CHD3: variants seen among roughly 807,000 people sequenced by gnomAD.
CHD3 encodes ATP-dependent chromatin remodeler CHD3.
In CHD3, 52 loss-of-function variants were observed where a neutral mutation model predicts 248.9. That is an observed-to-expected ratio of 0.21 (90% CI 0.17 to 0.26). CHD3 has a LOEUF of 0.26. Ranked by LOEUF, CHD3 falls within the 10% of genes least tolerant of loss-of-function variation. CHD3 has a pLI of 1.00. For synonymous variants in CHD3, 985 were observed against 985.2 expected (o/e 1.00, Z 0.00); for missense variants, 1,482 against 2,605.8 (o/e 0.57, Z 9.39).
rs138976937 is a variant in CHD3 at position 7,897,170 on chromosome 17, G to A, written c.1795G>A (p.Glu599Lys). 1.2e-6 allele frequency: 2 copies of A among 1,614,162 alleles called. No homozygotes were observed. Among genetic ancestry groups the A allele is most frequent in the Non-Finnish European group, 1.7e-6 (2 of 1,180,024 alleles). ...CCCACCCCTGGACTATGGCTCCGGC[G>A]AGGATGATGGGAAGAGCGACAAGCG... is the stretch of plus-strand genomic sequence containing the variant. The part of the protein sequence containing the change: ...EPPPLDYGSG[E>K]DDGKSDKRKV... Residue 599 changes from glutamate (E) to lysine (K), a missense_variant, in exon 11 of 40, where the codon GAG becomes AAG. Physicochemically the swap from Glu to Lys is moderately conservative, Grantham distance 56. Coordinates refer to ENST00000330494, the MANE Select transcript of CHD3 (RefSeq NM_001005273.3). The surrounding 1 kb of genome is among the most constrained non-coding windows in gnomAD (Gnocchi z 4.8).
rs202009423 is a variant in CHD3 at position 7,894,097 on chromosome 17, C to T, written c.925-18C>T. On this transcript the variant is annotated intron_variant, in intron 6 of 39. Transcript: ENST00000330494. ...AGAATGAAGTCTGCCTCACTGACGG[C>T]CACGGGGCTATGGGCAGTATGTTTT... 208 of 1,588,574 alleles carry T rather than the reference C, an allele frequency of 1.3e-4. 2 individuals carry two copies. The highest frequency in any genetic ancestry group is 1.3e-3 in the South Asian group (117 of 89,568).
Position 7,903,798 on chromosome 17 carries a change from G to A in CHD3, c.3728-27G>A. The A allele has an allele frequency of 6.2e-7, 1 of 1,610,362 alleles. No individual in the cohort carries two copies. The highest frequency in any genetic ancestry group is 1.3e-5 in the African/African-American group (1 of 74,978). The stretch of plus-strand genomic sequence containing the variant: ...GCCTTTCTAAACTTTGGAACCCAAA[G>A]TTCCCGTTTGTTTTCCCTCTCACCA... On this transcript the variant is annotated intron_variant, in intron 23 of 39. Transcript: ENST00000330494. The surrounding 1 kb of genome is among the most constrained non-coding windows in gnomAD (Gnocchi z 6.8).
chr17:7,909,529 C>G lies in CHD3; in HGVS notation c.5590+191C>G. 1 of 776,220 alleles carries G rather than the reference C, an allele frequency of 1.3e-6. No individual in the cohort carries two copies. The allele number at this position is 776,220 out of a possible 1,614,324, so 48.1% of individuals were successfully genotyped here. A position where few individuals can be genotyped will look rare whatever the true frequency, so the allele number is the denominator to read the frequency against. On this transcript the variant is annotated intron_variant, in intron 37 of 39. Transcript: ENST00000330494. This position sits in a 1 kb window ranked among gnomAD's most constrained non-coding sequence, Gnocchi z 8.1. Reference sequence around the variant, plus strand: ...GCCTCTAGGACTTGTGCAAGCCAACCCTCATCCATGTCTGATAGCATTCAC... The same window carrying G: ...GCCTCTAGGACTTGTGCAAGCCAACGCTCATCCATGTCTGATAGCATTCAC...
intron 5 of CHD3, 49 bp from the exon 6 acceptor site, chr17:7,893,756 A>T (rs748236185): frequency 1.3e-6 from 2 of 1,594,848 alleles, no homozygotes; most frequent in African/African-American, 1.4e-5. Flanking sequence ...TAATTCCAGG[A>T]TGTCATGACC....
At chr17:7,901,591 A>C (rs983611391) in intron 20 of CHD3, among the ~76,000 whole-genome samples, 2 of 148,392 alleles carry the variant, frequency 1.3e-5, no homozygotes, top group African/African-American at 2.5e-5. Context: ...GCTCACTGCA[A>C]CCTCTGCTTC....
In CHD3 at chr17:7,890,632, G is replaced by C. The variant is rs569669003; in HGVS notation, c.275G>C (p.Gly92Ala). 1 of 1,610,556 alleles carries C rather than the reference G, an allele frequency of 6.2e-7. No individual in the cohort carries two copies. Among genetic ancestry groups the C allele is most frequent in the African/African-American group, 1.3e-5 (1 of 74,364 alleles). The change falls in exon 3 of 40, where the codon GGC (glycine) becomes GCC (alanine). Residue 92 changes from glycine (G) to alanine (A), a missense_variant. Around this residue, in one of 20 missense-constraint regions of CHD3, gnomAD observed 169 missense variants for 168.1 expected, o/e 1.01. Coordinates refer to ENST00000330494, the MANE Select transcript of CHD3 (RefSeq NM_001005273.3). ...TACCGGGAGAAGTCAGAGAGTGGGG[G>C]CAGTGAATATGGAACCGGACCGGGT... ...DEYREKSESG[G>A]SEYGTGPGRK...
In CHD3 at chr17:7,890,560, C is replaced by T. The variant is rs372004415; in HGVS notation, c.214-11C>T. 3.9e-6 allele frequency: 6 copies of T among 1,541,504 alleles called. No individual in the cohort carries two copies. The highest frequency in any genetic ancestry group is 5.2e-6 in the Non-Finnish European group (6 of 1,144,224). On this transcript the variant is annotated splice_polypyrimidine_tract_variant and intron_variant, in intron 2 of 39. Coordinates refer to ENST00000330494, the MANE Select transcript of CHD3 (RefSeq NM_001005273.3). ...GGATGAATAAATGTTATTTTTATTT[C>T]TTTCTCTTAGGACAGTGAGGAGGAA...
In CHD3 at chr17:7,910,297, G is replaced by A; in HGVS notation, c.5591-131G>A. ...TTACTTTCTTGATCTCTGGTTCTTT[G>A]ACATCTGTGTTCTCCTCTCTCGCTC... On this transcript the variant is annotated intron_variant, in intron 37 of 39. Transcript: ENST00000330494. This position sits in a 1 kb window ranked among gnomAD's most constrained non-coding sequence, Gnocchi z 4.7. 9.3e-7 allele frequency: 1 copy of A among 1,079,442 alleles called. No homozygotes were observed. The highest frequency in any genetic ancestry group is 1.4e-6 in the Non-Finnish European group (1 of 710,638). The allele number at this position is 1,079,442 out of a possible 1,614,324, so 66.9% of individuals were successfully genotyped here.
At position 7,906,175 on chromosome 17, in the gene CHD3, G is replaced by T; in HGVS notation, c.4358+186G>T. 1 of 954,698 alleles carries T rather than the reference G, an allele frequency of 1.0e-6. No individual in the cohort carries two copies. Among genetic ancestry groups the T allele is most frequent in the Non-Finnish European group, 1.7e-6 (1 of 592,564 alleles). The allele number at this position is 954,698 out of a possible 1,614,324, so 59.1% of individuals were successfully genotyped here. The stretch of plus-strand genomic sequence containing the variant: ...GCCCACTCCACCTCCCCTCAGCCGA[G>T]CCTAGAGTAGAGGGGCCAGGCATCC... On this transcript the variant is annotated intron_variant, in intron 28 of 39. Transcript: ENST00000330494. This position sits in a 1 kb window ranked among gnomAD's most constrained non-coding sequence, Gnocchi z 5.0.
chr17:7,905,446 G>T lies in CHD3; in HGVS notation c.4139-175G>T, dbSNP rs952344646. 6.6e-6 allele frequency among the ~76,000 whole-genome samples: 1 copy of T among 152,144 alleles called. No individual in the cohort carries two copies. Among genetic ancestry groups the T allele is most frequent in the African/African-American group, 2.4e-5 (1 of 41,412 alleles). On this transcript the variant is annotated intron_variant, in intron 26 of 39. Transcript: ENST00000330494. The surrounding 1 kb of genome is among the most constrained non-coding windows in gnomAD (Gnocchi z 5.8). Reference sequence around the variant, plus strand: ...AGCTGTTAATTTTAAAATATGACTGGTTCTTTTAGACTTAGTGGGTTAGTA... The same window carrying T: ...AGCTGTTAATTTTAAAATATGACTGTTTCTTTTAGACTTAGTGGGTTAGTA...
At position 7,895,712 on chromosome 17, in the gene CHD3, C is replaced by T. The variant is rs1161725082; in HGVS notation, c.1707+170C>T. 1 of 622,332 alleles carries T rather than the reference C, an allele frequency of 1.6e-6. No individual in the cohort carries two copies. Among genetic ancestry groups the T allele is most frequent in the African/African-American group, 1.8e-5 (1 of 54,196 alleles). The allele number at this position is 622,332 out of a possible 1,614,324, so 38.6% of individuals were successfully genotyped here. The stretch of plus-strand genomic sequence containing the variant: ...TTCCATATGTGGTTCTTTTGGTCTA[C>T]AGTCCTCTTTCTCTCAGTCTCCGTT... On this transcript the variant is annotated intron_variant, in intron 10 of 39. Coordinates refer to ENST00000330494, the MANE Select transcript of CHD3 (RefSeq NM_001005273.3). This position sits in a 1 kb window ranked among gnomAD's most constrained non-coding sequence, Gnocchi z 4.9.
Position 7,900,771 on chromosome 17 carries a change from ATTGATGGG to A in CHD3, c.2978+41_2978+48del, listed in dbSNP as rs758469917. On this transcript the variant is annotated intron_variant, in intron 18 of 39. Coordinates refer to ENST00000330494, the MANE Select transcript of CHD3 (RefSeq NM_001005273.3). The surrounding 1 kb of genome is among the most constrained non-coding windows in gnomAD (Gnocchi z 6.5). ...GAGCTGCCTGGAGTAGGGCTTGGGG[ATTGATGGG>A]AGCGTTCCAAGTGCAATATCATAAT... 1.2e-6 allele frequency: 2 copies of A among 1,609,752 alleles called. No homozygotes were observed. Among genetic ancestry groups the A allele is most frequent in the Non-Finnish European group, 1.7e-6 (2 of 1,176,500 alleles).
chr17:7,906,858 T>G lies in CHD3; in HGVS notation c.4504-11T>G. 2 of 1,613,992 alleles carry G rather than the reference T, an allele frequency of 1.2e-6. No homozygotes were observed. Among genetic ancestry groups the G allele is most frequent in the Non-Finnish European group, 1.7e-6 (2 of 1,179,958 alleles). ...GAGCTGACACCTAACCCTCCCACCC[T>G]GCCACCCCAGGTGCAGGAGTTTGAG... On this transcript the variant is annotated splice_polypyrimidine_tract_variant and intron_variant, in intron 29 of 39. Coordinates refer to ENST00000330494, the MANE Select transcript of CHD3 (RefSeq NM_001005273.3). This position sits in a 1 kb window ranked among gnomAD's most constrained non-coding sequence, Gnocchi z 5.0.
rs970145693 is a variant in CHD3 at position 7,888,855 on chromosome 17, G to A, written c.-146G>A. ...GGTCAGGATATCTGGAACAAAATAT[G>A]GAGGTGAAGGGTGAGATCGGGAAAC... On this transcript the variant is annotated 5_prime_UTR_variant, in exon 1 of 40. An upstream start codon of the reference 5' UTR is lost. Coordinates refer to ENST00000330494, the MANE Select transcript of CHD3 (RefSeq NM_001005273.3). 350 of 1,465,316 alleles carry A rather than the reference G, an allele frequency of 2.4e-4. No homozygotes were observed. The highest frequency in any genetic ancestry group is 3.0e-4 in the Non-Finnish European group (338 of 1,112,566). 90.8% of individuals were successfully genotyped at this position (1,465,316 alleles called of 1,614,324 possible).
rs1030192724 is a variant in CHD3 at position 7,897,339 on chromosome 17, A to G, written c.1919+45A>G. ...GAAGTCAGACCTGGTATATGACATT[A>G]TTCTTACCATGGTGATGGCCCCATG... On this transcript the variant is annotated intron_variant, in intron 11 of 39. Transcript: ENST00000330494. The surrounding 1 kb of genome is among the most constrained non-coding windows in gnomAD (Gnocchi z 4.8). 1 of 1,498,846 alleles carries G rather than the reference A, an allele frequency of 6.7e-7. No individual in the cohort carries two copies. Among genetic ancestry groups the G allele is most frequent in the South Asian group, 1.1e-5 (1 of 88,648 alleles). 92.8% of individuals were successfully genotyped at this position (1,498,846 alleles called of 1,614,324 possible).
Position 7,911,424 on chromosome 17 carries a change from G to C in CHD3, c.5882-40G>C, listed in dbSNP as rs1224974478. 2 of 1,613,660 alleles carry C rather than the reference G, an allele frequency of 1.2e-6. No individual in the cohort carries two copies. Among genetic ancestry groups the C allele is most frequent in the African/African-American group, 2.7e-5 (2 of 74,922 alleles). ...TTGTCATGAAGTGACGTTTGAGAGTGATCTGGAGATTGATCTTTCCTTACC... is the reference window on the plus strand; with the variant it reads ...TTGTCATGAAGTGACGTTTGAGAGTCATCTGGAGATTGATCTTTCCTTACC... On this transcript the variant is annotated intron_variant, in intron 39 of 39. Transcript: ENST00000330494. The surrounding 1 kb of genome is among the most constrained non-coding windows in gnomAD (Gnocchi z 5.4).
rs141138068 is a variant in CHD3 at position 7,894,929 on chromosome 17, G to T, written c.1282G>T (p.Val428Phe). The change falls in exon 9 of 40, where the codon GTC (valine) becomes TTC (phenylalanine). Residue 428 changes from valine to phenylalanine, a missense_variant. Around this residue, in one of 20 missense-constraint regions of CHD3, gnomAD observed 138 missense variants for 241.1 expected, o/e 0.57. Coordinates refer to ENST00000330494, the MANE Select transcript of CHD3 (RefSeq NM_001005273.3). ...CTTGGCCCCCTAGGAGAAGGAGGGG[G>T]TCCAGTGGGAGGCCAAGGAGGAAGA... ...WSCPHCEKEG[V>F]QWEAKEEEEE... 2 of 1,612,708 alleles carry T rather than the reference G, an allele frequency of 1.2e-6. No individual in the cohort carries two copies. Among genetic ancestry groups the T allele is most frequent in the Non-Finnish European group, 8.5e-7 (1 of 1,179,438 alleles).
chr17:7,906,780 C>T lies in CHD3; in HGVS notation c.4503+83C>T, dbSNP rs1971009972. On this transcript the variant is annotated intron_variant, in intron 29 of 39. Coordinates refer to ENST00000330494, the MANE Select transcript of CHD3 (RefSeq NM_001005273.3). The surrounding 1 kb of genome is among the most constrained non-coding windows in gnomAD (Gnocchi z 5.0). ...TCTGCCTCTGTCCCTGAGTTGTAAG[C>T]TTGCGCTGGTGTGAGACGGAGGAGA... The T allele has an allele frequency of 2.5e-6, 4 of 1,588,948 alleles. No individual in the cohort carries two copies. The highest frequency in any genetic ancestry group is 3.5e-5 in the Admixed American group (2 of 57,692).
intron 2 of CHD3, 131 bp from the exon 3 acceptor site, chr17:7,890,440 A>AAT: frequency 3.1e-6 from 2 of 653,938 alleles, no homozygotes; most frequent in Non-Finnish European, 4.9e-6. Context: ...AAAAAAAAAA[A>AAT]GGAGATAAAA....
Sources: gnomAD v4.1 joint callset for allele counts (sites outside exome capture counted in the v4.1 genomes callset) on GRCh38, gnomAD v4.1.1 for gene constraint, gnomAD v4.1.1 regional missense constraint, Gnocchi (gnomAD v3.1) non-coding constraint, MANE v1.5 for transcripts, NCBI Gene and HGNC (gene_info 2026-07-23, HGNC 2026-07-21) for gene names.